SV2C: variants seen among roughly 807,000 people sequenced by gnomAD.
SV2C encodes synaptic vesicle glycoprotein 2C, also known as solute carrier family 22 member B3.
Under a neutral mutation model 79.7 loss-of-function variants are expected in SV2C, and 49 were observed. The observed-to-expected ratio is 0.61, with a 90% CI of 0.49 to 0.78. The LOEUF is 0.78. Among genes scored for constraint, SV2C ranks in the 30% least tolerant of loss-of-function variants. The pLI, the probability that SV2C is intolerant of heterozygous loss-of-function variation, is 0.00. For missense variants in SV2C, 833 were observed against 912.9 expected (o/e 0.91, Z 1.13); for synonymous variants, 334 against 333.2 (o/e 1.00, Z -0.03).
At chr5:76,013,553 C>T in the SV2C span, among the ~76,000 whole-genome samples, 4 of 152,162 alleles carry the variant, frequency 2.6e-5, no homozygotes, top group Admixed American at 6.6e-5. Flanking sequence ...CATCTGCAAA[C>T]AGAGACAATT....
rs1171483200 is a variant in SV2C at position 76,330,199 on chromosome 5, T to C, written c.*4652T>C. ...GACCATTCCTCTTGTCGCCCGTCTC[T>C]CACCAACCAGTCACAGAGCCATTGC... On this transcript the variant is annotated 3_prime_UTR_variant, in exon 13 of 13. Transcript: ENST00000502798. 2 of 152,192 alleles carry C rather than the reference T, an allele frequency of 1.3e-5. No homozygotes were observed. Among genetic ancestry groups the C allele is most frequent in the Admixed American group, 6.5e-5 (1 of 15,288 alleles). 9.4% of individuals were successfully genotyped at this position (152,192 alleles called of 1,614,324 possible).
At chr5:76,193,065 G>A (rs1744156284) in intron 2 of SV2C, among the ~76,000 whole-genome samples, 1 of 152,138 alleles carries the variant, frequency 6.6e-6, no homozygotes, top group African/African-American at 2.4e-5. Flanking sequence ...GGTTGGGCTT[G>A]AGCTCATTTA....
intron 4 of SV2C, among the ~76,000 whole-genome samples, chr5:76,276,641 T>TC (rs1232264933): frequency 6.7e-6 from 1 of 150,128 alleles, no homozygotes; most frequent in Admixed American, 6.6e-5. Flanking sequence ...TCTTTTTCTT[T>TC]TTTTTTTTTT....
chr5:75,980,552 G>A, the SV2C span, among the ~76,000 whole-genome samples: 6 of 151,948 alleles, frequency 3.9e-5, no homozygotes, highest in African/African-American at 1.5e-4. Flanking sequence ...ATACAAGTTG[G>A]GTTCAACATA....
At chr5:75,911,217 C>T in the SV2C span, 170 of 1,581,246 alleles carry the variant, frequency 1.1e-4, no homozygotes, top group Admixed American at 8.0e-4. Flanking sequence ...AGGCCCAGCC[C>T]TCTCCTACCA....
intron 1 of SV2C, among the ~76,000 whole-genome samples, chr5:76,127,912 T>A (rs893166591): frequency 6.6e-6 from 1 of 152,144 alleles, no homozygotes; most frequent in Non-Finnish European, 1.5e-5. Context: ...CCTGCTTCCA[T>A]CGCTCCCTCC....
the SV2C span, among the ~76,000 whole-genome samples, chr5:76,004,173 G>T: frequency 2.8e-4 from 43 of 152,168 alleles, no homozygotes; most frequent in Non-Finnish European, 1.2e-4. Context: ...CCAGCCAGGT[G>T]GTCAGCAAAA....
chr5:76,177,970 T>C (rs932082711), intron 2 of SV2C, among the ~76,000 whole-genome samples: 2 of 152,236 alleles, frequency 1.3e-5, no homozygotes, highest in African/African-American at 4.8e-5. Context: ...AACCATACTT[T>C]CATTGTTTAT....
intron 2 of SV2C, among the ~76,000 whole-genome samples, chr5:76,144,905 G>A (rs1041115892): frequency 2.6e-5 from 4 of 152,080 alleles, no homozygotes; most frequent in Non-Finnish European, 5.9e-5. Context: ...AGAAATGAGG[G>A]AATTTTGAGT....
chr5:76,082,671 G>C (rs1747034942), upstream of SV2C, among the ~76,000 whole-genome samples: 1 of 144,112 alleles, frequency 6.9e-6, no homozygotes, highest in African/African-American at 2.6e-5. Context: ...TCCCCTCTAA[G>C]GGGCCACTTT....
At chr5:75,989,105 G>A in the SV2C span, among the ~76,000 whole-genome samples, 2 of 151,764 alleles carry the variant, frequency 1.3e-5, no homozygotes, top group Non-Finnish European at 2.9e-5. Flanking sequence ...GTCAATAGGT[G>A]GAGTTTTCCC....
chr5:75,884,731 T>G, the SV2C span, among the ~76,000 whole-genome samples: 1 of 152,148 alleles, frequency 6.6e-6, no homozygotes, highest in Non-Finnish European at 1.5e-5. Context: ...TTATACAATG[T>G]ATACATGCAC....
intron 4 of SV2C, among the ~76,000 whole-genome samples, chr5:76,239,569 T>C (rs780170579): frequency 3.3e-5 from 5 of 152,176 alleles, no homozygotes; most frequent in Non-Finnish European, 7.3e-5. Flanking sequence ...TATCTAAGGC[T>C]GAAGGATCCA....
At chr5:75,867,901 A>G in the SV2C span, among the ~76,000 whole-genome samples, 1 of 152,260 alleles carries the variant, frequency 6.6e-6, no homozygotes, top group African/African-American at 2.4e-5. Context: ...TGCCAGGCAC[A>G]TGCTAAGTAC....
At chr5:76,200,834 G>A (rs1331366040) in intron 3 of SV2C, among the ~76,000 whole-genome samples, 1 of 152,046 alleles carries the variant, frequency 6.6e-6, no homozygotes, top group Non-Finnish European at 1.5e-5. Flanking sequence ...TACAAACAAG[G>A]TCTCCCTATG....
the SV2C span, among the ~76,000 whole-genome samples, chr5:75,849,096 G>C: frequency 8.5e-5 from 13 of 152,160 alleles, no homozygotes; most frequent in African/African-American, 3.1e-4. Flanking sequence ...TCTCTGAGTG[G>C]GTAGAACTTT....
At chr5:76,317,039 G>GA (rs34330865) in intron 12 of SV2C, among the ~76,000 whole-genome samples, 4 of 151,356 alleles carry the variant, frequency 2.6e-5, no homozygotes, top group South Asian at 2.1e-4. Flanking sequence ...ATATGAATAT[G>GA]AAAAAAACGC....
intron 1 of SV2C, among the ~76,000 whole-genome samples, chr5:76,117,234 AT>A (rs1436035420): frequency 6.6e-6 from 1 of 152,244 alleles, no homozygotes. Flanking sequence ...AGAAAACTAT[AT>A]GCAAATATAA....
chr5:76,069,255 G>C, the SV2C span, among the ~76,000 whole-genome samples: 1 of 152,206 alleles, frequency 6.6e-6, no homozygotes, highest in Non-Finnish European at 1.5e-5. Flanking sequence ...GACAGGGGCT[G>C]CCTCCCCTTC....
Sources: gnomAD v4.1 joint callset for allele counts (sites outside exome capture counted in the v4.1 genomes callset) on GRCh38, gnomAD v4.1.1 for gene constraint, MANE v1.5 for transcripts, NCBI Gene and HGNC (gene_info 2026-07-23, HGNC 2026-07-21) for gene names.